The following GLRA3 variants were observed in gnomAD, a reference collection of about 807,000 sequenced individuals.
GLRA3 encodes glycine receptor alpha 3.
A neutral mutation model predicts 60.4 loss-of-function variants in GLRA3; 44 were observed. That is an observed-to-expected ratio of 0.73 (90% CI 0.57 to 0.94). The LOEUF is 0.94. Among genes scored for constraint, GLRA3 ranks in the 40% least tolerant of loss-of-function variants. GLRA3 has a pLI of 0.00. For missense variants in GLRA3, 508 were observed against 564.6 expected, an observed-to-expected ratio of 0.90 and a Z score of 1.02; for synonymous variants, 223 against 192.9, an observed-to-expected ratio of 1.16 and a Z score of -1.29.
chr4:174,638,939 T>A lies in GLRA3; in HGVS notation c.*4847A>T, dbSNP rs1732563425. The A allele has an allele frequency of 6.6e-6, 1 of 152,172 alleles. No homozygotes were observed. The highest frequency in any genetic ancestry group is 6.5e-5 in the Admixed American group (1 of 15,276). The allele number at this position is 152,172 out of a possible 1,614,324, so 9.4% of individuals were successfully genotyped here. A position where few individuals can be genotyped will look rare whatever the true frequency, so the allele number is the denominator to read the frequency against. On this transcript the variant is annotated 3_prime_UTR_variant, in exon 10 of 10. Transcript: ENST00000274093. The stretch of plus-strand genomic sequence containing the variant: ...AGGAATTCCAACACATAGCCAGGGT[T>A]CAAAATCACTTTTTAAAAATAATAC...
chr4:174,771,455 T>C (rs1018069847), intron 2 of GLRA3, among the ~76,000 whole-genome samples: 2 of 152,110 alleles, frequency 1.3e-5, no homozygotes, highest in African/African-American at 2.4e-5. Context: ...TTTTCTTTTT[T>C]TTTTTCTTGG....
chr4:174,827,203 A>C (rs1230334114), intron 1 of GLRA3, among the ~76,000 whole-genome samples: 1 of 151,950 alleles, frequency 6.6e-6, no homozygotes, highest in African/African-American at 2.4e-5. Flanking sequence ...CATTTGAAAT[A>C]CTTTTTCATA....
chr4:174,779,048 C>T (rs1738749636), intron 2 of GLRA3, among the ~76,000 whole-genome samples: 1 of 152,230 alleles, frequency 6.6e-6, no homozygotes, highest in Admixed American at 6.5e-5. Flanking sequence ...ACAGCAGTAA[C>T]TTCTGCAGAC....
chr4:174,822,311 G>C (rs1056019899), intron 1 of GLRA3, among the ~76,000 whole-genome samples: 4 of 152,094 alleles, frequency 2.6e-5, no homozygotes, highest in African/African-American at 7.2e-5. Flanking sequence ...CACCTCCATG[G>C]ACATTATCAT....
intron 5 of GLRA3, among the ~76,000 whole-genome samples, chr4:174,702,559 C>G (rs1413391183): frequency 6.7e-6 from 1 of 149,438 alleles, no homozygotes; most frequent in African/African-American, 2.4e-5. Flanking sequence ...AAAAAAATCA[C>G]CATTCCTAGA....
In GLRA3 at chr4:174,677,288, C is replaced by G. The variant is rs771987128; in HGVS notation, c.717G>C (p.Lys239Asn). The G allele has an allele frequency of 1.9e-6, 3 of 1,589,444 alleles. No individual in the cohort carries two copies. The highest frequency in any genetic ancestry group is 2.6e-6 in the Non-Finnish European group (3 of 1,158,814). Residue 239 changes from lysine (K) to asparagine (N), a missense_variant, in exon 7 of 10, where the codon AAG (lysine) becomes AAC (asparagine). Around this residue, in one of 3 missense-constraint regions of GLRA3, gnomAD observed 329 missense variants for 349.3 expected, o/e 0.94. Coordinates refer to ENST00000274093, the MANE Select transcript of GLRA3 (RefSeq NM_006529.4). ...RYCTKHYNTG[K>N]FTCIEVRFHL... ...GGAATCGCACTTCTATACACGTAAA[C>G]TTTCCTAATTGGTGGTAAGGTAAAT...
At chr4:174,678,939 T>C (rs1191274293) in intron 6 of GLRA3, among the ~76,000 whole-genome samples, 1 of 152,188 alleles carries the variant, frequency 6.6e-6, no homozygotes, top group Non-Finnish European at 1.5e-5. Flanking sequence ...TCAGATACTT[T>C]GTATAAATTC....
At chr4:174,714,645 AGGCTC>A (rs1485482326) in intron 5 of GLRA3, among the ~76,000 whole-genome samples, 3 of 152,158 alleles carry the variant, frequency 2.0e-5, no homozygotes, top group Admixed American at 6.5e-5. Flanking sequence ...CTGGAGTCTG[AGGCTC>A]GGCCTTCAAA....
intron 5 of GLRA3, among the ~76,000 whole-genome samples, chr4:174,700,871 T>G (rs921097880): frequency 6.6e-6 from 1 of 151,830 alleles, no homozygotes; most frequent in African/African-American, 2.4e-5. Context: ...CTGAGAGAGG[T>G]GAAGAAGCTG....
intron 1 of GLRA3, among the ~76,000 whole-genome samples, chr4:174,790,840 A>G (rs1468916173): frequency 6.7e-6 from 1 of 148,332 alleles, no homozygotes; most frequent in Admixed American, 6.7e-5. Context: ...AAAAAAAAAA[A>G]AAAAAAGAAA....
At chr4:174,689,755 TTAAA>T (rs1734713741) in intron 5 of GLRA3, among the ~76,000 whole-genome samples, 1 of 30,610 alleles carries the variant, frequency 3.3e-5, no homozygotes, top group Non-Finnish European at 6.1e-5. Context: ...GTAAGTCGCA[TTAAA>T]AAAAAAAAAA....
intron 3 of GLRA3, among the ~76,000 whole-genome samples, chr4:174,733,991 C>T (rs889994491): frequency 3.3e-5 from 5 of 151,862 alleles, no homozygotes; most frequent in Admixed American, 6.6e-5. Context: ...TACCAGTTTT[C>T]GAAGACATCT....
Position 174,721,180 on chromosome 4 carries a change from C to G in GLRA3, c.492-5610G>C, listed in dbSNP as rs570017275. On this transcript the variant is annotated intron_variant, in intron 4 of 9. Transcript: ENST00000274093. Reference sequence around the variant, plus strand: ...AGTAGCTGAGATTACAGGCATGCGCCACCACGCCTAGCTAATTTTTGTATT... The same window carrying G: ...AGTAGCTGAGATTACAGGCATGCGCGACCACGCCTAGCTAATTTTTGTATT... Among the ~76,000 whole-genome samples, 13 of 152,164 alleles carry G rather than the reference C, an allele frequency of 8.5e-5. No homozygotes were observed. In the East Asian group the frequency reaches 2.5e-3, roughly 30 times the overall value.
chr4:174,674,902 T>A (rs28616750), intron 7 of GLRA3, among the ~76,000 whole-genome samples: 90,553 of 151,976 alleles, frequency 0.6, 27,245 homozygotes, highest in South Asian at 0.67. Context: ...TGGCCCAAAA[T>A]AGTTGCAGAA....
intron 3 of GLRA3, among the ~76,000 whole-genome samples, chr4:174,730,675 C>T (rs1039860595): frequency 1.3e-5 from 2 of 152,166 alleles, no homozygotes; most frequent in Admixed American, 6.5e-5. Context: ...CTTCCGGGAA[C>T]ACTTTTTGCT....
chr4:174,661,622 C>A (rs920585857), intron 7 of GLRA3, among the ~76,000 whole-genome samples: 1 of 152,112 alleles, frequency 6.6e-6, no homozygotes, highest in Admixed American at 6.5e-5. Context: ...TGCTCCTGGT[C>A]CCATCCCCCA....
At chr4:174,811,351 T>C (rs1740265889) in intron 1 of GLRA3, among the ~76,000 whole-genome samples, 1 of 152,102 alleles carries the variant, frequency 6.6e-6, no homozygotes, top group African/African-American at 2.4e-5. Flanking sequence ...TTTTCTTTAG[T>C]CAGAAAAAGG....
rs1341295967 is a variant in GLRA3, at chr4:174,765,767, TAC to T, written c.267+1194_267+1195del. 4.6e-5 allele frequency among the ~76,000 whole-genome samples: 7 copies of T among 152,168 alleles called. No individual in the cohort carries two copies. The South Asian group carries it at 1.5e-3, about 32-fold the overall frequency. ...CGTCTTCTCTGCGTTTACATTCATA[TAC>T]ACACATTCATGTTAACTTAGATTGT... On this transcript the variant is annotated intron_variant, in intron 3 of 9. Transcript: ENST00000274093.
At chr4:174,657,485 C>T (rs531238162) in intron 8 of GLRA3, among the ~76,000 whole-genome samples, 7 of 151,978 alleles carry the variant, frequency 4.6e-5, no homozygotes, top group South Asian at 2.1e-4. Flanking sequence ...AGGGAACATG[C>T]GTATTGCTTT....
Sources: allele counts gnomAD v4.1 joint callset (sites outside exome capture counted in the v4.1 genomes callset), GRCh38; gene constraint gnomAD v4.1.1; regional missense constraint gnomAD v4.1.1; transcripts MANE v1.5; gene names NCBI Gene and HGNC (gene_info 2026-07-23, HGNC 2026-07-21).